Variants in KIAA1549 observed in about 807,000 individuals in gnomAD.
The protein encoded by KIAA1549 is UPF0606 protein KIAA1549.
In KIAA1549, 70 loss-of-function variants were observed where a neutral mutation model predicts 156.4. That is an observed-to-expected ratio of 0.45 (90% confidence interval 0.37 to 0.55). KIAA1549 has a LOEUF of 0.55. KIAA1549 is among the 20% of genes least tolerant of loss of function. The pLI is 0.00. For synonymous variants in KIAA1549, 1,103 were observed against 1,066.4 expected (o/e 1.03, Z -0.67); for missense variants, 2,428 against 2,540.9 (o/e 0.96, Z 0.96).
intron 17 of KIAA1549, among the ~76,000 whole-genome samples, chr7:138,845,174 ATTT>A (rs1459570314): frequency 2.6e-5 from 4 of 152,180 alleles, no homozygotes; most frequent in Non-Finnish European, 5.9e-5. Context: ...TATTTTAAAA[ATTT>A]ATTTACAAAT....
At chr7:138,879,464 AAT>A in intron 12 of KIAA1549, 72 bp downstream of exon 12, 1 of 841,480 alleles carries the variant, frequency 1.2e-6, no homozygotes, top group Non-Finnish European at 1.9e-6. Context: ...TAGCATTTGA[AAT>A]ACTGTAAGGC....
intron 10 of KIAA1549, among the ~76,000 whole-genome samples, chr7:138,888,356 T>A (rs1811456230): frequency 6.6e-6 from 1 of 152,226 alleles, no homozygotes; most frequent in Admixed American, 6.5e-5. Flanking sequence ...TGCAGGATAC[T>A]TTCGTTCACT....
Position 138,881,395 on chromosome 7 carries a change from T to C in KIAA1549, c.4222A>G (p.Arg1408Gly), listed in dbSNP as rs1161003723. The C allele has an allele frequency of 6.2e-7, 1 of 1,613,196 alleles. No individual in the cohort carries two copies. The highest frequency in any genetic ancestry group is 1.3e-5 in the African/African-American group (1 of 74,880). ...AGAAAGCCCAATAATAACCTTCCTC[T>C]GTGACGAACATTCTTGGAAGGGATC... Reference protein sequence around the residue: ...SKIPSKNVRHRGRVSPSDADS... With the variant: ...SKIPSKNVRHGGRVSPSDADS... The change falls in exon 11 of 20, where the codon AGA becomes GGA. Residue 1408 changes from arginine to glycine, a missense_variant. Physicochemically the swap from Arg to Gly is moderately radical, Grantham distance 125. Coordinates refer to ENST00000422774, the MANE Select transcript of KIAA1549 (RefSeq NM_001164665.2).
rs1316124019 is a variant in KIAA1549, at chr7:138,981,005, A to G, written c.187+78T>C. The G allele has an allele frequency of 1.7e-5, 20 of 1,166,382 alleles. No homozygotes were observed. Among genetic ancestry groups the G allele is most frequent in the South Asian group, 8.6e-5 (2 of 23,298 alleles). The allele number at this position is 1,166,382 out of a possible 1,614,324, so 72.3% of individuals were successfully genotyped here. A position where few individuals can be genotyped will look rare whatever the true frequency, so the allele number is the denominator to read the frequency against. On this transcript the variant is annotated intron_variant, in intron 1 of 19. Transcript: ENST00000422774. This position sits in a 1 kb window ranked among gnomAD's most constrained non-coding sequence, Gnocchi z 4.5. Reference sequence around the variant, plus strand: ...GAGAATAAAAGAGGATGGGCGGGGAAAGCCGGGGTTTTGAAAACAGCAGCG... The same window carrying G: ...GAGAATAAAAGAGGATGGGCGGGGAGAGCCGGGGTTTTGAAAACAGCAGCG...
At position 138,898,859 on chromosome 7, in the gene KIAA1549, A is replaced by G. The variant is rs561037960; in HGVS notation, c.3847+96T>C. The G allele has an allele frequency of 1.7e-5, 18 of 1,072,430 alleles. No individual in the cohort carries two copies. The Admixed American group carries it at 2.3e-4, about 14-fold the overall frequency. The allele number at this position is 1,072,430 out of a possible 1,614,324, so 66.4% of individuals were successfully genotyped here. A position where few individuals can be genotyped will look rare whatever the true frequency, so the allele number is the denominator to read the frequency against. ...ACTTCACCATCAGGGTTATACACAC[A>G]TCGGAATGCTTTACATTCAGAGCTC... On this transcript the variant is annotated intron_variant, in intron 9 of 19. Transcript: ENST00000422774.
chr7:138,891,915 T>C (rs1440997699), intron 10 of KIAA1549, among the ~76,000 whole-genome samples: 1 of 152,196 alleles, frequency 6.6e-6, no homozygotes, highest in East Asian at 1.9e-4. Context: ...CATTTGTTTT[T>C]AAACTAAATG....
chr7:138,973,491 G>A (rs1814281394), intron 1 of KIAA1549, among the ~76,000 whole-genome samples: 1 of 152,076 alleles, frequency 6.6e-6, no homozygotes, highest in South Asian at 2.1e-4. Flanking sequence ...TGTCATGATG[G>A]TCAGTTCCTC....
chr7:138,969,152 C>G (rs891876261), intron 1 of KIAA1549, among the ~76,000 whole-genome samples: 1 of 152,192 alleles, frequency 6.6e-6, no homozygotes, highest in African/African-American at 2.4e-5. Context: ...TTAGCTCCCC[C>G]AAATTGACCA....
At chr7:138,860,315 T>C (rs982345592) in intron 16 of KIAA1549, among the ~76,000 whole-genome samples, 2 of 152,246 alleles carry the variant, frequency 1.3e-5, no homozygotes, top group Non-Finnish European at 2.9e-5. Context: ...AATCTCTTGC[T>C]GAAGGCTCTT....
At chr7:138,925,643 C>A (rs1812691506) in intron 1 of KIAA1549, among the ~76,000 whole-genome samples, 3 of 151,786 alleles carry the variant, frequency 2.0e-5, no homozygotes, top group African/African-American at 2.4e-5. Flanking sequence ...CCAGTCTGGG[C>A]AACGTGGCGA....
At chr7:138,864,004 G>T (rs1810661950) in intron 15 of KIAA1549, among the ~76,000 whole-genome samples, 1 of 152,188 alleles carries the variant, frequency 6.6e-6, no homozygotes, top group Admixed American at 6.5e-5. Flanking sequence ...TTGAGGAGCA[G>T]ATGAGGAAGC....
chr7:138,974,403 A>T (rs1814310927), intron 1 of KIAA1549, among the ~76,000 whole-genome samples: 1 of 151,856 alleles, frequency 6.6e-6, no homozygotes, highest in Non-Finnish European at 1.5e-5. Context: ...TACAGCAGCT[A>T]TTTACCAACT....
At position 138,839,778 on chromosome 7, in the gene KIAA1549, C is replaced by CTTTTTT. The variant is rs763327649; in HGVS notation, c.5598+349_5598+354dup. ...AAGCTGCTAAATTGAGGGATTATGTCTTTTTTTTTTTTTTTTTTTTTTTTT... is the reference window on the plus strand; with the variant it reads ...AAGCTGCTAAATTGAGGGATTATGTCTTTTTTTTTTTTTTTTTTTTTTTTTTTTTTT... On this transcript the variant is annotated intron_variant, in intron 19 of 19. Transcript: ENST00000422774. Among the ~76,000 whole-genome samples, 85 of 61,362 alleles carry CTTTTTT rather than the reference C, an allele frequency of 1.4e-3. 10 individuals carry two copies. The highest frequency in any genetic ancestry group is 0.016 in the Middle Eastern group (1 of 64). The allele number at this position is 61,362 out of a possible 152,430, so 40.3% of individuals were successfully genotyped here.
At chr7:138,900,821 G>A (rs1284582761) in intron 8 of KIAA1549, among the ~76,000 whole-genome samples, 1 of 152,252 alleles carries the variant, frequency 6.6e-6, no homozygotes, top group Non-Finnish European at 1.5e-5. Flanking sequence ...CTTCCAGCAA[G>A]AGGGGAAGCA....
At position 138,832,191 on chromosome 7, in the gene KIAA1549, CTT is replaced by C. The variant is rs749938588; in HGVS notation, c.*5713_*5714del. ...TCACCTCTGTCCCTTTTACCTATTCCTTTTTTTTTTTTTTTTTTTTCCAGAGA... is the reference window on the plus strand; with the variant it reads ...TCACCTCTGTCCCTTTTACCTATTCCTTTTTTTTTTTTTTTTTTCCAGAGA... On this transcript the variant is annotated 3_prime_UTR_variant, in exon 20 of 20. Coordinates refer to ENST00000422774, the MANE Select transcript of KIAA1549 (RefSeq NM_001164665.2). 0.038 allele frequency: 5,395 copies of C among 142,664 alleles called. 55 individuals are homozygous for C. Among genetic ancestry groups the C allele is most frequent in the East Asian group, 0.12 (1,096 of 9,244 alleles). The allele number at this position is 142,664 out of a possible 1,614,324, so 8.8% of individuals were successfully genotyped here.
At chr7:138,882,498 A>T (rs1292713626) in intron 10 of KIAA1549, among the ~76,000 whole-genome samples, 1 of 152,114 alleles carries the variant, frequency 6.6e-6, no homozygotes, top group Non-Finnish European at 1.5e-5. Flanking sequence ...GAGGTGAGGA[A>T]CCATAGCCTG....
At position 138,842,917 on chromosome 7, in the gene KIAA1549, C is replaced by T. The variant is rs1279646974; in HGVS notation, c.5452+1400G>A. ...TTCTTTGCTATTATGCAAATAATGC[C>T]GTGATAAATATCTTGGCACGTCATT... is the stretch of plus-strand genomic sequence containing the variant. On this transcript the variant is annotated intron_variant, in intron 18 of 19. Coordinates refer to ENST00000422774, the MANE Select transcript of KIAA1549 (RefSeq NM_001164665.2). Among the ~76,000 whole-genome samples the T allele has an allele frequency of 5.9e-5, 9 of 152,000 alleles. No individual in the cohort carries two copies. The East Asian group carries it at 1.7e-3, about 29-fold the overall frequency.
intron 16 of KIAA1549, among the ~76,000 whole-genome samples, chr7:138,852,764 T>A (rs919407088): frequency 6.6e-6 from 1 of 152,230 alleles, no homozygotes; most frequent in Non-Finnish European, 1.5e-5. Flanking sequence ...TGCTGTCTCA[T>A]GTTGCAGAAT....
intron 14 of KIAA1549, among the ~76,000 whole-genome samples, chr7:138,868,995 C>T (rs550633964): frequency 4.6e-5 from 7 of 152,268 alleles, no homozygotes; most frequent in East Asian, 1.9e-4. Flanking sequence ...ACATGAGAGC[C>T]GTGTTTAAGG....
Sources: gnomAD v4.1 joint callset for allele counts (sites outside exome capture counted in the v4.1 genomes callset) on GRCh38, gnomAD v4.1.1 for gene constraint, Gnocchi (gnomAD v3.1) non-coding constraint, MANE v1.5 for transcripts, NCBI Gene and HGNC (gene_info 2026-07-23, HGNC 2026-07-21) for gene names.